Variants in LRMDA observed in about 807,000 individuals in gnomAD.
LRMDA encodes the protein leucine-rich melanocyte differentiation-associated protein.
LRMDA carries 18 observed loss-of-function variants against 29.8 expected under a neutral mutation model. The observed-to-expected ratio is 0.60, with a 90% CI of 0.42 to 0.90. The LOEUF is 0.90. LRMDA is among the 40% of genes least tolerant of loss of function. LRMDA has a pLI of 0.00. For synonymous variants in LRMDA, 125 were observed against 109.4 expected, an observed-to-expected ratio of 1.14 and a Z score of -0.89; for missense variants, 273 against 273.9, an observed-to-expected ratio of 1.00 and a Z score of 0.02.
intron 2 of LRMDA, among the ~76,000 whole-genome samples, chr10:75,780,800 T>C (rs181634919): frequency 6.6e-6 from 1 of 152,234 alleles, no homozygotes; most frequent in East Asian, 1.9e-4. Flanking sequence ...ATAGTTTTGC[T>C]CATCTGTGTG....
At chr10:76,244,893 A>G (rs1206865670) in intron 5 of LRMDA, among the ~76,000 whole-genome samples, 1 of 152,222 alleles carries the variant, frequency 6.6e-6, no homozygotes, top group African/African-American at 2.4e-5. Context: ...TGAGAAAAAG[A>G]ACACTGGTCA....
At chr10:75,940,010 A>G (rs1006158855) in intron 2 of LRMDA, among the ~76,000 whole-genome samples, 1 of 152,162 alleles carries the variant, frequency 6.6e-6, no homozygotes, top group Non-Finnish European at 1.5e-5. Context: ...GATGAAGAGA[A>G]CTATGCACCT....
chr10:75,739,082 G>A (rs529989896), intron 2 of LRMDA, among the ~76,000 whole-genome samples: 31 of 152,330 alleles, frequency 2.0e-4, no homozygotes, highest in African/African-American at 7.2e-4. Context: ...GAGGCAGGCG[G>A]AGGTCACCTC....
chr10:76,413,455 A>G lies in LRMDA; in HGVS notation c.601+88970A>G, dbSNP rs370959516. On this transcript the variant is annotated intron_variant, in intron 6 of 6. Transcript: ENST00000611255. ...CAGCAAGCAAGAAAGAATGAAAGCC[A>G]AGTGAAAGGGGTAATCCCTTACAAA... Among the ~76,000 whole-genome samples the G allele has an allele frequency of 1.1e-4, 17 of 152,296 alleles. 1 individual carries two copies. In the East Asian group the frequency reaches 3.1e-3, roughly 28 times the overall value.
chr10:76,063,105 GTTT>G (rs1445584346), intron 5 of LRMDA, among the ~76,000 whole-genome samples: 1 of 152,178 alleles, frequency 6.6e-6, no homozygotes, highest in African/African-American at 2.4e-5. Context: ...GAGCCCTCTT[GTTT>G]ACAGGCATGT....
intron 3 of LRMDA, among the ~76,000 whole-genome samples, chr10:76,040,973 T>C (rs1394330279): frequency 6.6e-6 from 1 of 152,002 alleles, no homozygotes; most frequent in African/African-American, 2.4e-5. Context: ...GGGACTGGAG[T>C]TCCCATAGCC....
chr10:75,772,877 G>GGT (rs1554824994), intron 2 of LRMDA, among the ~76,000 whole-genome samples: 1 of 125,156 alleles, frequency 8.0e-6, no homozygotes, highest in South Asian at 3.1e-4. Flanking sequence ...GATGGGGGGG[G>GGT]GCAGATTAAT....
chr10:75,915,120 C>CTTTTTTTTTT (rs71024579), intron 2 of LRMDA, among the ~76,000 whole-genome samples: 3 of 75,240 alleles, frequency 4.0e-5, no homozygotes, highest in African/African-American at 1.1e-4. Flanking sequence ...GTCTAACCTT[C>CTTTTTTTTTT]TTTTTTTTTT....
intron 2 of LRMDA, among the ~76,000 whole-genome samples, chr10:75,902,582 A>T (rs1046932625): frequency 3.3e-5 from 5 of 152,006 alleles, no homozygotes; most frequent in Admixed American, 1.3e-4. Context: ...TTTATTCAAC[A>T]CTCACTTGGC....
intron 2 of LRMDA, among the ~76,000 whole-genome samples, chr10:75,763,084 A>G (rs1843117913): frequency 6.6e-6 from 1 of 152,214 alleles, no homozygotes. Context: ...CAGAATGCTC[A>G]GAGAACAGGG....
intron 2 of LRMDA, among the ~76,000 whole-genome samples, chr10:75,632,970 G>A (rs1841346321): frequency 6.6e-6 from 1 of 151,864 alleles, no homozygotes; most frequent in Non-Finnish European, 1.5e-5. Context: ...GTTAAGGGAG[G>A]GGGTCCCAGG....
At chr10:76,336,968 T>C (rs1314051058) in intron 6 of LRMDA, among the ~76,000 whole-genome samples, 1 of 152,108 alleles carries the variant, frequency 6.6e-6, no homozygotes, top group Admixed American at 6.5e-5. Context: ...ATCTGCCTCC[T>C]TGGAAACTCT....
intron 2 of LRMDA, among the ~76,000 whole-genome samples, chr10:75,899,275 A>G: frequency 6.6e-6 from 1 of 152,216 alleles, no homozygotes; most frequent in East Asian, 1.9e-4. Flanking sequence ...TTCAGCAAAC[A>G]TTTCTTACCA....
intron 5 of LRMDA, among the ~76,000 whole-genome samples, chr10:76,300,824 G>A (rs1199891432): frequency 6.6e-6 from 1 of 152,216 alleles, no homozygotes; most frequent in East Asian, 1.9e-4. Flanking sequence ...GGAATTCTGT[G>A]ATGGAATCCA....
intron 6 of LRMDA, among the ~76,000 whole-genome samples, chr10:76,348,798 G>A (rs1435892024): frequency 6.6e-6 from 1 of 152,224 alleles, no homozygotes; most frequent in East Asian, 1.9e-4. Flanking sequence ...AGTTTAGGAG[G>A]ACCTAGCAGA....
intron 2 of LRMDA, among the ~76,000 whole-genome samples, chr10:75,745,827 G>T (rs548158067): frequency 6.6e-6 from 1 of 151,948 alleles, no homozygotes; most frequent in South Asian, 2.1e-4. Flanking sequence ...TTGTTTTTTC[G>T]TGATGACCTT....
At chr10:75,897,324 A>C (rs954817247) in intron 2 of LRMDA, among the ~76,000 whole-genome samples, 11 of 152,216 alleles carry the variant, frequency 7.2e-5, no homozygotes, top group Non-Finnish European at 1.2e-4. Context: ...TTAACATTAC[A>C]GGTTTCTTGC....
chr10:75,964,316 A>G (rs554979973), intron 2 of LRMDA, among the ~76,000 whole-genome samples: 2 of 152,312 alleles, frequency 1.3e-5, no homozygotes, highest in South Asian at 4.1e-4. Flanking sequence ...TTAACACACC[A>G]TCCAGAGGAG....
At chr10:75,908,123 C>T (rs1252951461) in intron 2 of LRMDA, among the ~76,000 whole-genome samples, 1 of 152,134 alleles carries the variant, frequency 6.6e-6, no homozygotes, top group East Asian at 1.9e-4. Context: ...ATTGTAGGGT[C>T]CTCATACTTT....
Sources: gnomAD v4.1 joint callset for allele counts (sites outside exome capture counted in the v4.1 genomes callset) on GRCh38, gnomAD v4.1.1 for gene constraint, MANE v1.5 for transcripts, NCBI Gene and HGNC (gene_info 2026-07-23, HGNC 2026-07-21) for gene names.